The following RAD54B variants were observed in gnomAD, a reference collection of about 807,000 sequenced individuals.
The protein encoded by RAD54B is DNA repair and recombination protein RAD54B.
RAD54B carries 78 observed loss-of-function variants against 95.8 expected under a neutral mutation model. The observed-to-expected ratio is 0.81, with a 90% confidence interval of 0.68 to 0.98. RAD54B has a LOEUF of 0.98. Ranked by LOEUF, RAD54B falls within the 50% of genes least tolerant of loss-of-function variation. The pLI is 0.00. For missense variants in RAD54B, 957 were observed against 1,056.6 expected (o/e 0.91, Z 1.31); for synonymous variants, 328 against 354.9 (o/e 0.92, Z 0.85).
chr8:94,393,990 A>T, intron 8 of RAD54B, 108 bp from the exon 9 acceptor site: 2 of 1,034,880 alleles, frequency 1.9e-6, no homozygotes, highest in Non-Finnish European at 2.8e-6. Flanking sequence ...ATTCCCTAAA[A>T]GGAATAAATA....
chr8:94,404,077 C>T lies in RAD54B; in HGVS notation c.944G>A (p.Arg315Lys). Residue 315 changes from arginine to lysine, a missense_variant and splice_region_variant, in exon 6 of 15, where the codon AGA (arginine) becomes AAA (lysine). By Grantham distance (26) the Arg-to-Lys change is conservative. Transcript: ENST00000336148. ...TTAAACAAATGATTTATTTTCCTAC[C>T]TCATTCCCATTACACATTCATAAAG... ...IFLYECVMGM[R>K]MNGRCGAILA... 5 of 1,586,652 alleles carry T rather than the reference C, an allele frequency of 3.2e-6. No individual in the cohort carries two copies. Among genetic ancestry groups the T allele is most frequent in the Non-Finnish European group, 4.3e-6 (5 of 1,165,730 alleles).
chr8:94,420,251 ATTTT>A (rs57897762), intron 3 of RAD54B, among the ~76,000 whole-genome samples: 55 of 117,008 alleles, frequency 4.7e-4, no homozygotes, highest in East Asian at 1.6e-3. Flanking sequence ...AGAAAACTTG[ATTTT>A]TTTTTTTTTT....
chr8:94,449,307 T>C (rs1812598922), intron 3 of RAD54B, among the ~76,000 whole-genome samples: 1 of 150,560 alleles, frequency 6.6e-6, no homozygotes, highest in Non-Finnish European at 1.5e-5. Context: ...ATCTAAAAAA[T>C]AATGCTCTAT....
intron 11 of RAD54B, among the ~76,000 whole-genome samples, chr8:94,384,619 C>A (rs889496894): frequency 6.6e-6 from 1 of 152,056 alleles, no homozygotes; most frequent in Non-Finnish European, 1.5e-5. Flanking sequence ...ATGTACTTAA[C>A]ACTACAGAAT....
rs377323859 is a variant in RAD54B at position 94,372,258 on chromosome 8, A to T, written c.2645T>A (p.Leu882Ter). The change falls in exon 15 of 15, where the codon TTA (leucine) becomes TAA (stop). Residue 882 changes from leucine to a stop codon, truncating the protein, a stop_gained. Coordinates refer to ENST00000336148, the MANE Select transcript of RAD54B (RefSeq NM_012415.3). LOFTEE classifies it high-confidence loss of function. Reference sequence around the variant, plus strand: ...TTCAAGAAAAGGATCTGTAAGATTTAAATGATCTCCAGAAAAATGTTTCCA... The same window carrying T: ...TTCAAGAAAAGGATCTGTAAGATTTTAATGATCTCCAGAAAAATGTTTCCA... The part of the protein sequence containing the change: ...KQWKHFSGDH[L>*]NLTDPFLERI... The T allele has an allele frequency of 1.2e-6, 2 of 1,613,068 alleles. No homozygotes were observed. Among genetic ancestry groups the T allele is most frequent in the Non-Finnish European group, 1.7e-6 (2 of 1,179,768 alleles).
chr8:94,430,043 G>GTATTAC (rs1378653086), intron 3 of RAD54B: 15 of 984,806 alleles, frequency 1.5e-5, no homozygotes, highest in Non-Finnish European at 1.7e-5. Flanking sequence ...GCTGGGCACG[G>GTATTAC]TGGCTCAAGC....
intron 3 of RAD54B, among the ~76,000 whole-genome samples, chr8:94,456,197 A>G (rs1247394884): frequency 2.0e-5 from 3 of 152,196 alleles, no homozygotes; most frequent in African/African-American, 7.2e-5. Flanking sequence ...GTAGACCTAC[A>G]TCTTCATTCT....
chr8:94,383,387 A>G (rs1304096158), intron 11 of RAD54B, among the ~76,000 whole-genome samples: 1 of 152,120 alleles, frequency 6.6e-6, no homozygotes, highest in Non-Finnish European at 1.5e-5. Context: ...AGGAAAGACA[A>G]AGAAAATACA....
chr8:94,461,049 C>T (rs1306447241), intron 2 of RAD54B, among the ~76,000 whole-genome samples: 1 of 150,174 alleles, frequency 6.7e-6, no homozygotes, highest in Non-Finnish European at 1.5e-5. Flanking sequence ...AGGACATGAA[C>T]ATGTTTAAAG....
At chr8:94,429,676 A>G (rs1342770535) in intron 3 of RAD54B, 5 of 983,390 alleles carry the variant, frequency 5.1e-6, no homozygotes, top group Admixed American at 6.1e-5. Flanking sequence ...AGACTCAAAG[A>G]AAAGTCATAG....
At chr8:94,382,080 C>G (rs1426950765) in intron 11 of RAD54B, among the ~76,000 whole-genome samples, 3 of 148,138 alleles carry the variant, frequency 2.0e-5, no homozygotes, top group Non-Finnish European at 4.4e-5. Context: ...CGCCACTGCA[C>G]TCCAGCCTGG....
intron 3 of RAD54B, among the ~76,000 whole-genome samples, chr8:94,454,152 A>T (rs1022766258): frequency 1.6e-4 from 18 of 114,040 alleles, no homozygotes; most frequent in African/African-American, 1.5e-4. Context: ...ATTACCTTTT[A>T]AAAAAAAAAA....
Position 94,380,319 on chromosome 8 carries a change from A to C in RAD54B, c.2073T>G (p.Asp691Glu), listed in dbSNP as rs1464245315. Reference protein sequence around the residue: ...KRHGYAYTRLDGQTPISQRQQ... With the variant: ...KRHGYAYTRLEGQTPISQRQQ... The stretch of plus-strand genomic sequence containing the variant: ...GCCTTTGAGAGATTGGTGTTTGTCC[A>C]TCAAGTCTTGTATAAGCATATCCAT... Residue 691 changes from aspartate to glutamate, a missense_variant, in exon 12 of 15, where the codon GAT (aspartate) becomes GAG (glutamate). Physicochemically the swap from Asp to Glu is conservative, Grantham distance 45. Transcript: ENST00000336148. The C allele has an allele frequency of 1.9e-6, 3 of 1,614,134 alleles. 1 individual carries two copies. The highest frequency in any genetic ancestry group is 2.5e-6 in the Non-Finnish European group (3 of 1,179,982).
At chr8:94,431,594 C>T (rs751871421) in intron 3 of RAD54B, 49 of 915,806 alleles carry the variant, frequency 5.4e-5, no homozygotes, top group Admixed American at 1.2e-4. Context: ...TCTCCCTGGA[C>T]CTGTTTCATT....
At chr8:94,402,524 G>A (rs888009898) in intron 6 of RAD54B, among the ~76,000 whole-genome samples, 3 of 152,078 alleles carry the variant, frequency 2.0e-5, no homozygotes, top group Non-Finnish European at 2.9e-5. Flanking sequence ...AAAATGCTGG[G>A]ATTACAGGTG....
At chr8:94,431,975 C>G (rs1812108179) in intron 3 of RAD54B, 1 of 1,300,568 alleles carries the variant, frequency 7.7e-7, no homozygotes. Context: ...TTTAATATCT[C>G]AAAAGAAAAT....
At chr8:94,425,938 C>T (rs1281170472) in intron 3 of RAD54B, among the ~76,000 whole-genome samples, 6 of 152,046 alleles carry the variant, frequency 3.9e-5, no homozygotes, top group African/African-American at 1.4e-4. Flanking sequence ...ATTCCAGTCA[C>T]TGAACATGCA....
In RAD54B at chr8:94,406,380, G is replaced by C. The variant is rs562434490; in HGVS notation, c.781+1059C>G. 7.0e-4 allele frequency among the ~76,000 whole-genome samples: 106 copies of C among 152,288 alleles called. 1 individual carries two copies. In the Middle Eastern group the frequency reaches 0.01, roughly 15 times the overall value. ...GTACAAAGAGAAAGGAGAATAAAGA[G>C]GAGGGGGATTGTTAAAAGAGCTGGT... On this transcript the variant is annotated intron_variant, in intron 5 of 14. Transcript: ENST00000336148.
Position 94,400,310 on chromosome 8 carries a change from C to T in RAD54B, c.1098G>A (p.Leu366=). 1 of 1,613,746 alleles carries T rather than the reference C, an allele frequency of 6.2e-7. No individual in the cohort carries two copies. Among genetic ancestry groups the T allele is most frequent in the Non-Finnish European group, 8.5e-7 (1 of 1,179,822 alleles). The change falls in exon 7 of 15, where the codon TTG becomes TTA. Residue 366 remains leucine (L), a synonymous_variant. Coordinates refer to ENST00000336148, the MANE Select transcript of RAD54B (RefSeq NM_012415.3). ...KKTLIVTPGS[L]VNNWKKEFQK... ...GAAATTCTTTCTTCCAATTATTCAC[C>T]AAGCTTCCAGGTGTGACAATTAGTG...
Sources: allele counts gnomAD v4.1 joint callset (sites outside exome capture counted in the v4.1 genomes callset), GRCh38; gene constraint gnomAD v4.1.1; transcripts MANE v1.5; gene names NCBI Gene and HGNC (gene_info 2026-07-23, HGNC 2026-07-21).